The following SEPTIN9 variants were observed in gnomAD, a reference collection of about 807,000 sequenced individuals.
The protein encoded by SEPTIN9 is septin 9, also known as septin-9.
In SEPTIN9, 13 loss-of-function variants were observed where a neutral mutation model predicts 56.6. The ratio of observed to expected loss-of-function variants is 0.23; its 90% CI spans 0.15 to 0.37. The LOEUF (loss-of-function observed/expected upper bound fraction) is 0.37. Ranked by LOEUF, SEPTIN9 falls within the 10% of genes least tolerant of loss-of-function variation. SEPTIN9 has a pLI of 1.00. For missense variants in SEPTIN9, 650 were observed against 823.1 expected (o/e 0.79, Z 2.57); for synonymous variants, 332 against 334.1 (o/e 0.99, Z 0.07).
chr17:77,311,838 C>T (rs919627789), intron 2 of SEPTIN9, among the ~76,000 whole-genome samples: 1 of 152,140 alleles, frequency 6.6e-6, no homozygotes, highest in Non-Finnish European at 1.5e-5. Context: ...GAAGAGACCA[C>T]CAGCATCTTG....
chr17:77,319,758 G>A lies in SEPTIN9; in HGVS notation c.76+12561G>A, dbSNP rs754423126. 2.2e-5 allele frequency: 24 copies of A among 1,072,196 alleles called. No individual in the cohort carries two copies. Among genetic ancestry groups the A allele is most frequent in the African/African-American group, 9.8e-5 (6 of 61,116 alleles). The allele number at this position is 1,072,196 out of a possible 1,614,324, so 66.4% of individuals were successfully genotyped here. On this transcript the variant is annotated intron_variant, in intron 2 of 11. Coordinates refer to ENST00000427177, the MANE Select transcript of SEPTIN9 (RefSeq NM_001113491.2). The surrounding 1 kb of genome is among the most constrained non-coding windows in gnomAD (Gnocchi z 5.3). ...GCCCAAGGAAATCGTAGCATCGCGGGACAGGGAAAATGAAAGACTTTGGAA... is the reference window on the plus strand; with the variant it reads ...GCCCAAGGAAATCGTAGCATCGCGGAACAGGGAAAATGAAAGACTTTGGAA...
In SEPTIN9 at chr17:77,450,064, C is replaced by G. The variant is rs2037906687; in HGVS notation, c.722-32080C>G. Reference sequence around the variant, plus strand: ...CTCCCAGACACTCCCCCGGCTCTGGCCTGGCGCCCGGAGACCAGTAGCAGC... The same window carrying G: ...CTCCCAGACACTCCCCCGGCTCTGGGCTGGCGCCCGGAGACCAGTAGCAGC... On this transcript the variant is annotated intron_variant, in intron 3 of 11. Coordinates refer to ENST00000427177, the MANE Select transcript of SEPTIN9 (RefSeq NM_001113491.2). The surrounding 1 kb of genome is among the most constrained non-coding windows in gnomAD (Gnocchi z 6.0). Among the ~76,000 whole-genome samples, 1 of 152,224 alleles carries G rather than the reference C, an allele frequency of 6.6e-6. No individual in the cohort carries two copies. The highest frequency in any genetic ancestry group is 2.4e-5 in the African/African-American group (1 of 41,474).
At chr17:77,320,352 C>A in intron 2 of SEPTIN9, 5 of 1,612,006 alleles carry the variant, frequency 3.1e-6, no homozygotes, top group Non-Finnish European at 4.2e-6. Flanking sequence ...ATCTCAGGTA[C>A]GCAGACAGCC....
At position 77,319,426 on chromosome 17, in the gene SEPTIN9, A is replaced by T; in HGVS notation, c.76+12229A>T. ...ACTCGCTCCCTCCCAGGGGACGGCT[A>T]GAGACTCACTGACTCATGCGTGTGT... is the stretch of plus-strand genomic sequence containing the variant. On this transcript the variant is annotated intron_variant, in intron 2 of 11. Transcript: ENST00000427177. The surrounding 1 kb of genome is among the most constrained non-coding windows in gnomAD (Gnocchi z 5.3). The T allele has an allele frequency of 2.0e-6, 1 of 492,234 alleles. No individual in the cohort carries two copies. The highest frequency in any genetic ancestry group is 2.7e-6 in the Non-Finnish European group (1 of 369,108). The allele number at this position is 492,234 out of a possible 1,614,324, so 30.5% of individuals were successfully genotyped here.
chr17:77,495,877 CT>C (rs1397319223), intron 10 of SEPTIN9, among the ~76,000 whole-genome samples: 1 of 152,214 alleles, frequency 6.6e-6, no homozygotes, highest in Non-Finnish European at 1.5e-5. Context: ...ACATTTTTAA[CT>C]TGGGGAAAAG....
intron 3 of SEPTIN9, among the ~76,000 whole-genome samples, chr17:77,477,496 G>A (rs568032643): frequency 7.2e-5 from 11 of 152,346 alleles, no homozygotes; most frequent in South Asian, 6.2e-4. Flanking sequence ...GAAATAGTCC[G>A]CTGTGTTGAC....
chr17:77,422,554 G>C (rs1013361636), intron 3 of SEPTIN9, among the ~76,000 whole-genome samples: 9 of 152,158 alleles, frequency 5.9e-5, no homozygotes, highest in African/African-American at 2.2e-4. Flanking sequence ...GGGGTGGGTG[G>C]TCAGGCGGAT....
intron 3 of SEPTIN9, among the ~76,000 whole-genome samples, chr17:77,411,490 C>T (rs1254768676): frequency 6.6e-6 from 1 of 151,602 alleles, no homozygotes; most frequent in African/African-American, 2.4e-5. Flanking sequence ...CACCTTTCGC[C>T]TTCCGCTTTC....
At position 77,451,386 on chromosome 17, in the gene SEPTIN9, A is replaced by T; in HGVS notation, c.722-30758A>T. 1.0e-6 allele frequency: 1 copy of T among 983,540 alleles called. No homozygotes were observed. Among genetic ancestry groups the T allele is most frequent in the South Asian group, 4.7e-5 (1 of 21,170 alleles). The allele number at this position is 983,540 out of a possible 1,614,324, so 60.9% of individuals were successfully genotyped here. A position where few individuals can be genotyped will look rare whatever the true frequency, so the allele number is the denominator to read the frequency against. ...TCCCAGGCAGTCGAGGTCCCTCCCT[A>T]CCTCTGCCCCGCGCTCTGGGAGGCT... is the stretch of plus-strand genomic sequence containing the variant. On this transcript the variant is annotated intron_variant, in intron 3 of 11. Coordinates refer to ENST00000427177, the MANE Select transcript of SEPTIN9 (RefSeq NM_001113491.2). This position sits in a 1 kb window ranked among gnomAD's most constrained non-coding sequence, Gnocchi z 4.2.
At chr17:77,336,928 T>G (rs1449479425) in intron 2 of SEPTIN9, among the ~76,000 whole-genome samples, 1 of 152,146 alleles carries the variant, frequency 6.6e-6, no homozygotes, top group African/African-American at 2.4e-5. Flanking sequence ...TCTGCATCTA[T>G]GGAAATGATC....
In SEPTIN9 at chr17:77,327,257, C is replaced by T. The variant is rs1168693881; in HGVS notation, c.76+20060C>T. Among the ~76,000 whole-genome samples, 1 of 152,034 alleles carries T rather than the reference C, an allele frequency of 6.6e-6. No individual in the cohort carries two copies. Among genetic ancestry groups the T allele is most frequent in the Admixed American group, 6.6e-5 (1 of 15,258 alleles). ...TGCCCTCAGGTTAGTTTATTTTTAC[C>T]CGGCCTGCTCCCACCAGGGGCTGAG... On this transcript the variant is annotated intron_variant, in intron 2 of 11. Transcript: ENST00000427177. This position sits in a 1 kb window ranked among gnomAD's most constrained non-coding sequence, Gnocchi z 5.0.
At chr17:77,406,414 G>GT (rs2036075784) in intron 3 of SEPTIN9, among the ~76,000 whole-genome samples, 1 of 151,606 alleles carries the variant, frequency 6.6e-6, no homozygotes, top group Non-Finnish European at 1.5e-5. Context: ...GGATATAAAT[G>GT]ATTTGTGTAT....
At position 77,486,521 on chromosome 17, in the gene SEPTIN9, T is replaced by TGTGTGTGC. The variant is rs757455924; in HGVS notation, c.914-902_914-901insTGTGTGCG. Among the ~76,000 whole-genome samples, 146 of 120,196 alleles carry TGTGTGTGC rather than the reference T, an allele frequency of 1.2e-3. 2 individuals carry two copies. Among genetic ancestry groups the TGTGTGTGC allele is most frequent in the South Asian group, 8.7e-3 (32 of 3,678 alleles). 78.9% of individuals were successfully genotyped at this position (120,196 alleles called of 152,430 possible). On this transcript the variant is annotated intron_variant, in intron 4 of 11. Transcript: ENST00000427177. The stretch of plus-strand genomic sequence containing the variant: ...GTGTGTGTGTGTGTGTGTGTGTGTG[T>TGTGTGTGC]GCGCGCACGCGCGCGCGTGTTATAT...
Position 77,283,648 on chromosome 17 carries a change from C to T in SEPTIN9, c.19+2094C>T, listed in dbSNP as rs532252664. 3.9e-5 allele frequency among the ~76,000 whole-genome samples: 6 copies of T among 152,312 alleles called. No homozygotes were observed. The South Asian group carries it at 1.2e-3, about 32-fold the overall frequency. On this transcript the variant is annotated intron_variant, in intron 1 of 11. Coordinates refer to ENST00000427177, the MANE Select transcript of SEPTIN9 (RefSeq NM_001113491.2). ...TCTAGACTGTGCGGGATTATTGCTTCCAGACCTGTATGTGGGCTTCAGAAT... is the reference window on the plus strand; with the variant it reads ...TCTAGACTGTGCGGGATTATTGCTTTCAGACCTGTATGTGGGCTTCAGAAT...
intron 1 of SEPTIN9, 42 bp from the exon 2 acceptor site, chr17:77,307,099 C>T (rs777228556): frequency 7.6e-6 from 12 of 1,587,824 alleles, no homozygotes; most frequent in Non-Finnish European, 1.0e-5. Context: ...GGGAGAGCGC[C>T]AGTGGCCTTG....
intron 2 of SEPTIN9, among the ~76,000 whole-genome samples, chr17:77,393,262 C>G (rs374003219): frequency 9.2e-5 from 14 of 152,304 alleles, no homozygotes; most frequent in South Asian, 6.2e-4. Flanking sequence ...GTGCCCCCAG[C>G]CTTGTCCCAC....
rs115658684 is a variant in SEPTIN9 at position 77,291,950 on chromosome 17, G to A, written c.19+10396G>A. On this transcript the variant is annotated intron_variant, in intron 1 of 11. Coordinates refer to ENST00000427177, the MANE Select transcript of SEPTIN9 (RefSeq NM_001113491.2). ...TTAAGACTTTAATGAACAGAATGCC[G>A]TTTGCCCTCAGTCTGCTGGTCCCCC... 1.2e-3 allele frequency among the ~76,000 whole-genome samples: 186 copies of A among 152,314 alleles called. 1 individual carries two copies. Among genetic ancestry groups the A allele is most frequent in the African/African-American group, 3.2e-3 (133 of 41,572 alleles).
chr17:77,350,610 A>AGT (rs57851361), intron 2 of SEPTIN9, among the ~76,000 whole-genome samples: 6,668 of 149,476 alleles, frequency 0.045, 197 homozygotes, highest in African/African-American at 0.066. Flanking sequence ...CCTCCAGTGC[A>AGT]GTGTGTGTGT....
At chr17:77,408,515 G>A (rs312855) in intron 3 of SEPTIN9, among the ~76,000 whole-genome samples, 239 of 152,334 alleles carry the variant, frequency 1.6e-3, no homozygotes, top group African/African-American at 5.4e-3. Context: ...GTGTGTTCCA[G>A]GGGCAGAACA....
Sources: gnomAD v4.1 joint callset for allele counts (sites outside exome capture counted in the v4.1 genomes callset) on GRCh38, gnomAD v4.1.1 for gene constraint, Gnocchi (gnomAD v3.1) non-coding constraint, MANE v1.5 for transcripts, NCBI Gene and HGNC (gene_info 2026-07-23, HGNC 2026-07-21) for gene names.